SAMD12: variants seen among roughly 807,000 people sequenced by gnomAD.
SAMD12 encodes sterile alpha motif domain-containing protein 12.
In SAMD12, 9 loss-of-function variants were observed where a neutral mutation model predicts 15.0. The observed-to-expected ratio is 0.60, with a 90% CI of 0.36 to 1.05. The LOEUF is 1.05. Among genes scored for constraint, SAMD12 ranks in the 50% least tolerant of loss-of-function variants. SAMD12 has a pLI of 0.01. For synonymous variants in SAMD12, 86 were observed against 90.1 expected (o/e 0.96, Z 0.25); for missense variants, 230 against 234.2 (o/e 0.98, Z 0.12).
rs189052512 is a variant in SAMD12, at chr8:118,332,437, T to C, written c.433+47123A>G. Among the ~76,000 whole-genome samples the C allele has an allele frequency of 2.9e-3, 445 of 152,376 alleles. 1 individual carries two copies. Among genetic ancestry groups the C allele is most frequent in the Middle Eastern group, 3.4e-3 (1 of 294 alleles). ...CTGAGATTGGCATTGGCAGTGATTA[T>C]TCAACTTGTTTCACTAATTTGACTC... On this transcript the variant is annotated intron_variant, in intron 4 of 4. Coordinates refer to the SAMD12 transcript ENST00000409003.
At chr8:118,280,801 T>C (rs1302233047) in intron 4 of SAMD12, among the ~76,000 whole-genome samples, 1 of 152,158 alleles carries the variant, frequency 6.6e-6, no homozygotes, top group Non-Finnish European at 1.5e-5. Context: ...TCCAGCATTT[T>C]GGTGGGGGAG....
intron 2 of SAMD12, among the ~76,000 whole-genome samples, chr8:118,502,526 T>C (rs1222389832): frequency 1.3e-5 from 2 of 152,234 alleles, no homozygotes; most frequent in Non-Finnish European, 2.9e-5. Context: ...GAAAATCTTT[T>C]TTCTAATAAC....
At chr8:118,248,813 CA>C (rs938822117) in intron 4 of SAMD12, among the ~76,000 whole-genome samples, 2 of 152,112 alleles carry the variant, frequency 1.3e-5, no homozygotes, top group African/African-American at 4.8e-5. Context: ...AAAACAAATG[CA>C]GTGTAAGATC....
the SAMD12 span, among the ~76,000 whole-genome samples, chr8:118,150,356 A>G: frequency 6.6e-6 from 1 of 152,110 alleles, no homozygotes; most frequent in Non-Finnish European, 1.5e-5. Context: ...CATGTTATAA[A>G]TATTACAGTA....
chr8:118,271,093 G>A lies in SAMD12; in HGVS notation c.434-73361C>T, dbSNP rs546558933. ...AGAAAGAATGTGAGGCTAAGAGGGG[G>A]TATATTAGTCCATTCTCATGCTGCT... On this transcript the variant is annotated intron_variant, in intron 4 of 4. Coordinates refer to the SAMD12 transcript ENST00000409003. 7.2e-5 allele frequency among the ~76,000 whole-genome samples: 11 copies of A among 152,186 alleles called. No homozygotes were observed. The South Asian group carries it at 1.9e-3, about 26-fold the overall frequency.
chr8:118,239,219 C>CTACAT (rs1812511722), intron 4 of SAMD12, among the ~76,000 whole-genome samples: 1 of 152,034 alleles, frequency 6.6e-6, no homozygotes, highest in African/African-American at 2.4e-5. Context: ...ATACAAAGCT[C>CTACAT]TACATTTAGA....
At chr8:118,285,189 T>A (rs1813910298) in intron 4 of SAMD12, among the ~76,000 whole-genome samples, 2 of 151,998 alleles carry the variant, frequency 1.3e-5, no homozygotes, top group African/African-American at 4.8e-5. Context: ...AGATTATGCA[T>A]TACATGGGTG....
intron 4 of SAMD12, among the ~76,000 whole-genome samples, chr8:118,261,503 T>C (rs1188357794): frequency 6.6e-6 from 1 of 152,140 alleles, no homozygotes; most frequent in Non-Finnish European, 1.5e-5. Context: ...ATATGACACA[T>C]TAAATGATCG....
chr8:118,392,219 G>A lies in SAMD12; in HGVS notation c.323-12519C>T, dbSNP rs1004501120. 4.2e-4 allele frequency among the ~76,000 whole-genome samples: 64 copies of A among 152,178 alleles called. 1 individual carries two copies. Among genetic ancestry groups the A allele is most frequent in the Non-Finnish European group, 1.3e-4 (9 of 68,018 alleles). ...TGAGGCAGGCGGATCACGAGGTCAG[G>A]AGATTGAGACCATCCTGGCCCACGT... On this transcript the variant is annotated intron_variant, in intron 3 of 3. Coordinates refer to ENST00000314727, the MANE Select transcript of SAMD12 (RefSeq NM_207506.3).
At chr8:118,508,968 T>C (rs1825000047) in intron 2 of SAMD12, among the ~76,000 whole-genome samples, 1 of 152,216 alleles carries the variant, frequency 6.6e-6, no homozygotes, top group African/African-American at 2.4e-5. Context: ...TGCTCTATAA[T>C]AACATTTCAT....
At chr8:118,238,274 T>C (rs572969607) in intron 4 of SAMD12, among the ~76,000 whole-genome samples, 1 of 152,146 alleles carries the variant, frequency 6.6e-6, no homozygotes, top group East Asian at 1.9e-4. Context: ...GCCAATATTT[T>C]TGGTCTCAAG....
chr8:118,565,128 ATACCC>A (rs1192539853), intron 2 of SAMD12, among the ~76,000 whole-genome samples: 3 of 152,174 alleles, frequency 2.0e-5, no homozygotes, highest in African/African-American at 7.2e-5. Context: ...AAAAGCAAAT[ATACCC>A]TCATATTCCT....
intron 3 of SAMD12, among the ~76,000 whole-genome samples, chr8:118,388,468 A>G (rs1357832189): frequency 6.6e-6 from 1 of 152,130 alleles, no homozygotes; most frequent in Non-Finnish European, 1.5e-5. Flanking sequence ...TAACAGTTAA[A>G]AGCAATTTCC....
chr8:118,198,707 T>C (rs941607900), intron 4 of SAMD12, among the ~76,000 whole-genome samples: 1 of 152,188 alleles, frequency 6.6e-6, no homozygotes, highest in Non-Finnish European at 1.5e-5. Context: ...AAATAAAAGG[T>C]ACTATGTAAG....
chr8:118,510,998 C>A (rs1300787539), intron 2 of SAMD12, among the ~76,000 whole-genome samples: 1 of 152,194 alleles, frequency 6.6e-6, no homozygotes, highest in Non-Finnish European at 1.5e-5. Flanking sequence ...AAAAAGTAAA[C>A]TGACTGTGAC....
chr8:118,154,876 T>C, the SAMD12 span, among the ~76,000 whole-genome samples: 3 of 152,094 alleles, frequency 2.0e-5, no homozygotes, highest in Non-Finnish European at 4.4e-5. Flanking sequence ...CCAGCCTTGG[T>C]ATAAAAAAGT....
At chr8:118,431,252 A>G (rs1822396921) in intron 3 of SAMD12, among the ~76,000 whole-genome samples, 1 of 152,122 alleles carries the variant, frequency 6.6e-6, no homozygotes, top group African/African-American at 2.4e-5. Context: ...TATTGTTATT[A>G]TTGCTTTAAC....
chr8:118,188,780 T>C (rs995626429), downstream of SAMD12, among the ~76,000 whole-genome samples: 1 of 152,072 alleles, frequency 6.6e-6, no homozygotes, highest in South Asian at 2.1e-4. Flanking sequence ...GGGGATTTTT[T>C]TTTTAAGTTT....
chr8:118,536,567 A>G lies in SAMD12; in HGVS notation c.192+44148T>C, dbSNP rs192550107. Among the ~76,000 whole-genome samples, 9 of 152,290 alleles carry G rather than the reference A, an allele frequency of 5.9e-5. No homozygotes were observed. In the East Asian group the frequency reaches 1.5e-3, roughly 26 times the overall value. On this transcript the variant is annotated intron_variant, in intron 2 of 3. Transcript: ENST00000314727. ...CACTTGAGGTTATCATGAGGCTTGC[A>G]TATGATATTGCCCATTATTTTAAAC...
Sources: gnomAD v4.1 joint callset for allele counts (sites outside exome capture counted in the v4.1 genomes callset) on GRCh38, gnomAD v4.1.1 for gene constraint, MANE v1.5 for transcripts, NCBI Gene and HGNC (gene_info 2026-07-23, HGNC 2026-07-21) for gene names.